Variants in HEPH observed in about 807,000 individuals in gnomAD.
HEPH encodes hephaestin.
A neutral mutation model predicts 80.8 loss-of-function variants in HEPH; 69 were observed. That is an observed-to-expected ratio of 0.85 (90% CI 0.70 to 1.04). The LOEUF (loss-of-function observed/expected upper bound fraction) is 1.04. Among genes scored for constraint, HEPH ranks in the 50% least tolerant of loss-of-function variants. The pLI is 0.00. For synonymous variants in HEPH, 431 were observed against 322.8 expected (o/e 1.34, Z -3.60); for missense variants, 1,115 against 891.3 (o/e 1.25, Z -3.20).
At chrX:66,232,269 G>T (rs2090180402) in intron 15 of HEPH, among the ~76,000 whole-genome samples, 2 of 110,982 alleles carry the variant, frequency 1.8e-5, no homozygotes, top group East Asian at 2.8e-4. Context: ...CCCGGCTTTG[G>T]TATCAGAATG....
chrX:66,227,880 A>G (rs2089958157), intron 15 of HEPH, among the ~76,000 whole-genome samples: 1 of 110,715 alleles, frequency 9.0e-6, no homozygotes, highest in Non-Finnish European at 1.9e-5. Context: ...GCTATGTGGG[A>G]TCTTTTTTGG....
chrX:66,173,273 C>T (rs1164175542), intron 3 of HEPH, among the ~76,000 whole-genome samples: 1 of 112,148 alleles, frequency 8.9e-6, no homozygotes, highest in African/African-American at 3.2e-5. Flanking sequence ...GGAATTCTGT[C>T]TTCTTGCTTC....
chrX:66,226,768 C>G (rs1365906318), intron 15 of HEPH, among the ~76,000 whole-genome samples: 1 of 111,513 alleles, frequency 9.0e-6, no homozygotes, highest in African/African-American at 3.3e-5. Context: ...TACAGACCAA[C>G]AGCAAGCAAC....
intron 15 of HEPH, among the ~76,000 whole-genome samples, chrX:66,221,694 T>C (rs2089655487): frequency 8.9e-6 from 1 of 112,889 alleles, no homozygotes; most frequent in Non-Finnish European, 1.9e-5. Flanking sequence ...TCGGGTCAAA[T>C]AGCCCCAGGG....
chrX:66,224,457 A>G (rs1358958798), intron 15 of HEPH, among the ~76,000 whole-genome samples: 3 of 112,161 alleles, frequency 2.7e-5, no homozygotes, highest in Non-Finnish European at 3.8e-5. Context: ...TGCTGGGTTA[A>G]GGGAATTTTC....
In HEPH at chrX:66,250,942, G is replaced by A. The variant is rs1297067589; in HGVS notation, c.2564-4093G>A. Among the ~76,000 whole-genome samples the A allele has an allele frequency of 1.1e-4, 12 of 112,173 alleles. No homozygotes were observed. The East Asian group carries it at 3.4e-3, about 31-fold the overall frequency. ...TCTGTCACTTAGGCTGGAGTTTAGT[G>A]GCACAATCTTGGCTAACTGCAACCT... is the stretch of plus-strand genomic sequence containing the variant. On this transcript the variant is annotated intron_variant, in intron 15 of 20. Transcript: ENST00000343002.
At chrX:66,187,012 T>G (rs974689605) in intron 4 of HEPH, among the ~76,000 whole-genome samples, 1 of 111,376 alleles carries the variant, frequency 9.0e-6, no homozygotes, top group Non-Finnish European at 1.9e-5. Context: ...CTTGTTCAAT[T>G]CTATTGATGA....
At chrX:66,174,104 C>T (rs1385793949) in intron 4 of HEPH, among the ~76,000 whole-genome samples, 2 of 109,415 alleles carry the variant, frequency 1.8e-5, no homozygotes, top group African/African-American at 6.7e-5. Flanking sequence ...TTTTGGTGCA[C>T]CTATCTCCTG....
At chrX:66,242,298 G>T (rs1068538) in intron 15 of HEPH, among the ~76,000 whole-genome samples, 30,359 of 110,383 alleles carry the variant, frequency 0.28, 3,977 homozygotes, top group African/African-American at 0.51. Flanking sequence ...AATGATGCTG[G>T]GATAAATGAC....
At chrX:66,227,993 C>T (rs896786107) in intron 15 of HEPH, among the ~76,000 whole-genome samples, 8 of 111,224 alleles carry the variant, frequency 7.2e-5, no homozygotes, top group African/African-American at 2.6e-4. Flanking sequence ...TGAATCCTCA[C>T]CTCTCACTGT....
chrX:66,206,990 C>G (rs751606508), intron 13 of HEPH, among the ~76,000 whole-genome samples: 1 of 108,616 alleles, frequency 9.2e-6, no homozygotes, highest in African/African-American at 3.3e-5. Flanking sequence ...GCACTCCAGC[C>G]TGGGCAACAA....
intron 15 of HEPH, 84 bp from the exon 16 acceptor site, chrX:66,254,951 C>A: frequency 1.9e-6 from 1 of 521,913 alleles, no homozygotes; most frequent in Non-Finnish European, 3.2e-6. Context: ...ATGGGATTCA[C>A]TCACCACTGC....
intron 15 of HEPH, among the ~76,000 whole-genome samples, chrX:66,253,643 T>A (rs1304293167): frequency 1.8e-5 from 2 of 111,681 alleles, no homozygotes; most frequent in Non-Finnish European, 3.8e-5. Context: ...TGTACACAAA[T>A]GCTGATAGCA....
At chrX:66,190,691 G>A (rs1271422831) in intron 6 of HEPH, among the ~76,000 whole-genome samples, 2 of 111,623 alleles carry the variant, frequency 1.8e-5, no homozygotes, top group Non-Finnish European at 3.8e-5. Flanking sequence ...AAATTAGAAG[G>A]GTGTCAGAAA....
chrX:66,179,614 G>A (rs1406796830), intron 4 of HEPH, among the ~76,000 whole-genome samples: 2 of 111,291 alleles, frequency 1.8e-5, no homozygotes, highest in Admixed American at 1.9e-4. Context: ...CTGTTTCTTT[G>A]TTGACTTTCT....
intron 3 of HEPH, among the ~76,000 whole-genome samples, chrX:66,173,171 T>C (rs1293270872): frequency 8.9e-6 from 1 of 112,404 alleles, no homozygotes; most frequent in East Asian, 2.8e-4. Context: ...TTCCATACAA[T>C]GGAGAAGTGA....
intron 15 of HEPH, among the ~76,000 whole-genome samples, chrX:66,230,727 G>T (rs1167845771): frequency 9.4e-6 from 1 of 106,453 alleles, no homozygotes; most frequent in Non-Finnish European, 1.9e-5. Context: ...TTTTTAGGTT[G>T]CCTGTTCACT....
At chrX:66,196,069 TTTGA>T (rs1389500885) in intron 9 of HEPH, among the ~76,000 whole-genome samples, 5 of 111,396 alleles carry the variant, frequency 4.5e-5, no homozygotes, top group African/African-American at 6.5e-5. Context: ...ATGTGCAAAT[TTTGA>T]TTGATTCTGC....
intron 13 of HEPH, among the ~76,000 whole-genome samples, chrX:66,205,969 A>G (rs111873599): frequency 0.03 from 3,339 of 111,237 alleles, 47 homozygotes; most frequent in Non-Finnish European, 0.045. Context: ...CTGGCTAACA[A>G]TGTCACTTGT....
Sources: allele counts gnomAD v4.1 joint callset (sites outside exome capture counted in the v4.1 genomes callset), GRCh38; gene constraint gnomAD v4.1.1; transcripts MANE v1.5; gene names NCBI Gene and HGNC (gene_info 2026-07-23, HGNC 2026-07-21).